IGF2BP3: variants seen among roughly 807,000 people sequenced by gnomAD.
IGF2BP3 encodes insulin like growth factor 2 mRNA binding protein 3.
In IGF2BP3, 9 loss-of-function variants were observed where a neutral mutation model predicts 73.8. The ratio of observed to expected loss-of-function variants is 0.12; its 90% CI spans 0.07 to 0.21. IGF2BP3 has a LOEUF of 0.21. Ranked by LOEUF, IGF2BP3 falls within the 10% of genes least tolerant of loss-of-function variation. The pLI is 1.00. For synonymous variants in IGF2BP3, 258 were observed against 256.7 expected (o/e 1.01, Z -0.05); for missense variants, 542 against 714.0 (o/e 0.76, Z 2.75).
At chr7:23,449,105 T>C (rs1202249523) in intron 2 of IGF2BP3, among the ~76,000 whole-genome samples, 2 of 143,964 alleles carry the variant, frequency 1.4e-5, no homozygotes, top group Non-Finnish European at 3.0e-5. Flanking sequence ...TATCTTCCTA[T>C]ACCGATTTAT....
intron 3 of IGF2BP3, among the ~76,000 whole-genome samples, chr7:23,374,672 G>A (rs1220225257): frequency 6.6e-6 from 1 of 152,056 alleles, no homozygotes; most frequent in Non-Finnish European, 1.5e-5. Flanking sequence ...GTGAGACTCT[G>A]TCTCCAATAG....
chr7:23,374,265 T>C (rs1016160615), intron 3 of IGF2BP3, among the ~76,000 whole-genome samples: 1 of 152,082 alleles, frequency 6.6e-6, no homozygotes, highest in African/African-American at 2.4e-5. Context: ...AAACAAAACA[T>C]GGTACATATA....
At chr7:23,322,456 G>GA (rs1456827139) in intron 10 of IGF2BP3, among the ~76,000 whole-genome samples, 2 of 152,204 alleles carry the variant, frequency 1.3e-5, no homozygotes, top group Non-Finnish European at 2.9e-5. Flanking sequence ...TGGTGTACCT[G>GA]AAAGTGACGG....
At chr7:23,455,398 C>T (rs762480760) in intron 2 of IGF2BP3, among the ~76,000 whole-genome samples, 17 of 152,180 alleles carry the variant, frequency 1.1e-4, no homozygotes, top group Admixed American at 1.1e-3. Context: ...TGGGTGCACA[C>T]GGTTATTAGC....
chr7:23,390,176 A>G (rs1438219156), intron 3 of IGF2BP3, among the ~76,000 whole-genome samples: 5 of 152,210 alleles, frequency 3.3e-5, no homozygotes, highest in Admixed American at 2.0e-4. Context: ...GAATTTCTAT[A>G]AAAGTTTTGT....
rs11292731 is a variant in IGF2BP3, at chr7:23,460,531, CAA to C, written c.236+7949_236+7950del. 2.8e-3 allele frequency among the ~76,000 whole-genome samples: 390 copies of C among 140,992 alleles called. 3 individuals carry two copies. The highest frequency in any genetic ancestry group is 0.02 in the South Asian group (86 of 4,404). The allele number at this position is 140,992 out of a possible 152,430, so 92.5% of individuals were successfully genotyped here. ...GGGTGACAAGAGTGAAACTCCATCT[CAA>C]AAAAAAAAAAAGAGTAGATCAATCG... On this transcript the variant is annotated intron_variant, in intron 2 of 14. Coordinates refer to ENST00000258729, the MANE Select transcript of IGF2BP3 (RefSeq NM_006547.3).
At chr7:23,411,156 T>C (rs1787005941) in intron 3 of IGF2BP3, among the ~76,000 whole-genome samples, 1 of 152,242 alleles carries the variant, frequency 6.6e-6, no homozygotes, top group African/African-American at 2.4e-5. Flanking sequence ...TTCTAATATT[T>C]AACATCTCTG....
chr7:23,346,453 T>C (rs1157910150), intron 7 of IGF2BP3, among the ~76,000 whole-genome samples: 2 of 152,150 alleles, frequency 1.3e-5, no homozygotes, highest in African/African-American at 4.8e-5. Flanking sequence ...ACAACAGTGG[T>C]TACACTTTGG....
At chr7:23,335,718 A>C (rs1784556775) in intron 10 of IGF2BP3, among the ~76,000 whole-genome samples, 1 of 152,202 alleles carries the variant, frequency 6.6e-6, no homozygotes, top group Non-Finnish European at 1.5e-5. Context: ...ATCAAAACTG[A>C]AGCCAGCAGC....
chr7:23,426,596 T>C (rs1034491383), intron 2 of IGF2BP3, among the ~76,000 whole-genome samples: 2 of 152,212 alleles, frequency 1.3e-5, no homozygotes, highest in African/African-American at 4.8e-5. Flanking sequence ...CTGTCATTTG[T>C]CTTTGAGTTT....
Position 23,469,889 on chromosome 7 carries a change from G to A in IGF2BP3, c.175+47C>T. On this transcript the variant is annotated intron_variant, in intron 1 of 14. Transcript: ENST00000258729. This position sits in a 1 kb window ranked among gnomAD's most constrained non-coding sequence, Gnocchi z 6.1. The stretch of plus-strand genomic sequence containing the variant: ...GCCACCCGGTGGGCCTGGGCGGGCG[G>A]TGCAGGGCTGGGGCGAGAGCCCGGG... 4.8e-6 allele frequency: 7 copies of A among 1,473,090 alleles called. No homozygotes were observed. The South Asian group carries it at 9.6e-5, about 20-fold the overall frequency. The allele number at this position is 1,473,090 out of a possible 1,614,324, so 91.3% of individuals were successfully genotyped here.
At chr7:23,333,873 C>T (rs895950081) in intron 10 of IGF2BP3, among the ~76,000 whole-genome samples, 11 of 152,216 alleles carry the variant, frequency 7.2e-5, no homozygotes, top group African/African-American at 2.7e-4. Context: ...GAACGTCGTC[C>T]AATTCCCTTT....
chr7:23,372,893 C>G (rs1562708652), intron 3 of IGF2BP3, among the ~76,000 whole-genome samples: 1 of 152,176 alleles, frequency 6.6e-6, no homozygotes, highest in Non-Finnish European at 1.5e-5. Flanking sequence ...GATGGGCAAG[C>G]TGCAGCACAG....
chr7:23,374,877 G>A (rs897511586), intron 3 of IGF2BP3, among the ~76,000 whole-genome samples: 13 of 151,972 alleles, frequency 8.6e-5, no homozygotes, highest in Admixed American at 1.3e-4. Flanking sequence ...ATCACATGTC[G>A]GCAGGTTCCG....
intron 11 of IGF2BP3, 45 bp downstream of exon 11, chr7:23,319,093 T>A (rs749111309): frequency 8.5e-7 from 1 of 1,178,410 alleles, no homozygotes; most frequent in East Asian, 2.3e-5. Context: ...CATATTTCTG[T>A]AACTTACTTA....
At chr7:23,386,130 A>T (rs555659076) in intron 3 of IGF2BP3, among the ~76,000 whole-genome samples, 8 of 152,336 alleles carry the variant, frequency 5.3e-5, no homozygotes, top group Admixed American at 2.0e-4. Context: ...GGATAGGTAC[A>T]TGGGGAGATT....
At chr7:23,439,792 G>A (rs1442120253) in intron 2 of IGF2BP3, among the ~76,000 whole-genome samples, 1 of 152,096 alleles carries the variant, frequency 6.6e-6, no homozygotes, top group Non-Finnish European at 1.5e-5. Context: ...AAGAAACTGA[G>A]GTGGGTGGGA....
chr7:23,353,712 A>G (rs1254093306), intron 5 of IGF2BP3, among the ~76,000 whole-genome samples: 1 of 152,160 alleles, frequency 6.6e-6, no homozygotes, highest in African/African-American at 2.4e-5. Context: ...TGTGATTTCT[A>G]TGTCAGAGGG....
At chr7:23,368,343 A>AAAAGAAAGAAAGAAAG (rs58687904) in intron 3 of IGF2BP3, among the ~76,000 whole-genome samples, 8,711 of 137,700 alleles carry the variant, frequency 0.063, 350 homozygotes, top group Non-Finnish European at 0.072. Flanking sequence ...AAGAAAGAAA[A>AAAAGAAAGAAAGAAAG]AAAGAAAGAA....
Sources: gnomAD v4.1 joint callset for allele counts (sites outside exome capture counted in the v4.1 genomes callset) on GRCh38, gnomAD v4.1.1 for gene constraint, Gnocchi (gnomAD v3.1) non-coding constraint, MANE v1.5 for transcripts, NCBI Gene and HGNC (gene_info 2026-07-23, HGNC 2026-07-21) for gene names.